The following TUSC3 variants were observed in gnomAD, a reference collection of about 807,000 sequenced individuals.
TUSC3 encodes dolichyl-diphosphooligosaccharide--protein glycosyltransferase subunit TUSC3.
Under a neutral mutation model 44.8 loss-of-function variants are expected in TUSC3, and 45 were observed. The ratio of observed to expected loss-of-function variants is 1.00; its 90% CI spans 0.79 to 1.29. The LOEUF is 1.29. Ranked by LOEUF, TUSC3 falls within the 50% of genes most tolerant of loss-of-function variation. The pLI, the probability that TUSC3 is intolerant of heterozygous loss-of-function variation, is 0.00. For synonymous variants in TUSC3, 212 were observed against 152.9 expected (o/e 1.39, Z -2.85); for missense variants, 519 against 437.9 (o/e 1.19, Z -1.65).
intron 1 of TUSC3, among the ~76,000 whole-genome samples, chr8:15,469,541 T>C (rs1800457205): frequency 6.6e-6 from 1 of 152,244 alleles, no homozygotes; most frequent in South Asian, 2.1e-4. Context: ...CTTTCATTGC[T>C]GGTGGGAATA....
chr8:15,617,390 G>A (rs1440380577), intron 1 of TUSC3, among the ~76,000 whole-genome samples: 1 of 151,886 alleles, frequency 6.6e-6, no homozygotes, highest in South Asian at 2.1e-4. Flanking sequence ...TGCCCGCCTA[G>A]GCTTCCCAAA....
chr8:15,577,799 T>C (rs1373800372), intron 1 of TUSC3, among the ~76,000 whole-genome samples: 1 of 147,066 alleles, frequency 6.8e-6, no homozygotes, highest in Non-Finnish European at 1.5e-5. Flanking sequence ...CGATGCGGGC[T>C]CTTTTTTGGT....
intron 6 of TUSC3, among the ~76,000 whole-genome samples, chr8:15,729,944 G>A (rs1268361189): frequency 1.3e-5 from 2 of 151,790 alleles, no homozygotes; most frequent in African/African-American, 4.8e-5. Flanking sequence ...TGTAAAAGTT[G>A]AGGCATTGAT....
At chr8:15,540,007 G>T (rs1458960750), upstream of TUSC3, among the ~76,000 whole-genome samples, 1 of 152,180 alleles carries the variant, frequency 6.6e-6, no homozygotes, top group Non-Finnish European at 1.5e-5. Context: ...CATCCAAGAA[G>T]GCATTCAGGT....
intron 1 of TUSC3, among the ~76,000 whole-genome samples, chr8:15,547,006 GT>G (rs1208233730): frequency 6.6e-6 from 1 of 151,520 alleles, no homozygotes; most frequent in Non-Finnish European, 1.5e-5. Context: ...ATAGCATCTT[GT>G]TGTCATTTAA....
At chr8:15,491,539 G>C (rs1220292443) in intron 2 of TUSC3, among the ~76,000 whole-genome samples, 1 of 152,082 alleles carries the variant, frequency 6.6e-6, no homozygotes, top group Non-Finnish European at 1.5e-5. Context: ...TCAAGAGATA[G>C]AGTTAAAAAC....
chr8:15,639,973 TAGCAGGCCTGAGATTGTTATCGTTA>T (rs1806289819), intron 2 of TUSC3, among the ~76,000 whole-genome samples: 1 of 152,164 alleles, frequency 6.6e-6, no homozygotes, highest in African/African-American at 2.4e-5. Flanking sequence ...AGAGTTAACA[TAGCAGGCCTGAGATTGTTATCGTTA>T]GAAAGGGGAG....
intron 1 of TUSC3, among the ~76,000 whole-genome samples, chr8:15,570,358 T>A (rs1802829899): frequency 6.6e-6 from 1 of 152,018 alleles, no homozygotes; most frequent in Non-Finnish European, 1.5e-5. Flanking sequence ...TGTTGCTTGC[T>A]GGAAATTGGT....
At chr8:15,751,129 T>G (rs1019321951) in intron 9 of TUSC3, among the ~76,000 whole-genome samples, 1 of 152,152 alleles carries the variant, frequency 6.6e-6, no homozygotes, top group Non-Finnish European at 1.5e-5. Flanking sequence ...TTAGGCAAGC[T>G]AAATAGAGTT....
chr8:15,849,539 C>A, the TUSC3 span, among the ~76,000 whole-genome samples: 1 of 152,058 alleles, frequency 6.6e-6, no homozygotes, highest in South Asian at 2.1e-4. Context: ...AAAGAAAGCC[C>A]AACTTAAAGA....
chr8:15,468,360 A>G (rs1386441491), intron 1 of TUSC3, among the ~76,000 whole-genome samples: 2 of 152,176 alleles, frequency 1.3e-5, no homozygotes, highest in Non-Finnish European at 2.9e-5. Context: ...TCCTCTTTGG[A>G]CAAGAACACT....
At chr8:15,617,955 C>G (rs951885557) in intron 1 of TUSC3, among the ~76,000 whole-genome samples, 2 of 152,162 alleles carry the variant, frequency 1.3e-5, no homozygotes. Context: ...GGGTACAAAG[C>G]TGTACACAAT....
chr8:15,778,135 C>G, the TUSC3 span, among the ~76,000 whole-genome samples: 1 of 151,692 alleles, frequency 6.6e-6, no homozygotes, highest in Admixed American at 6.6e-5. Context: ...AACAAACCAC[C>G]ACCGGCTAAT....
At chr8:15,760,545 C>T (rs538050492) in intron 10 of TUSC3, among the ~76,000 whole-genome samples, 2 of 152,236 alleles carry the variant, frequency 1.3e-5, no homozygotes, top group Non-Finnish European at 2.9e-5. Flanking sequence ...ATCCTACAAA[C>T]TAAGAATGGC....
In TUSC3 at chr8:15,466,797, C is replaced by G. The variant is rs952639809; in HGVS notation, n.92-16589C>G. ...AGTTTTTTCTTTTTCTGATTTTCCTCCATGGGCATGTACATCTCCATGTTG... is the reference window on the plus strand; with the variant it reads ...AGTTTTTTCTTTTTCTGATTTTCCTGCATGGGCATGTACATCTCCATGTTG... On this transcript the variant is annotated intron_variant and non_coding_transcript_variant, in intron 1 of 5. Coordinates refer to the TUSC3 transcript ENST00000503191. 2.6e-5 allele frequency among the ~76,000 whole-genome samples: 4 copies of G among 152,072 alleles called. No individual in the cohort carries two copies. The East Asian group carries it at 7.7e-4, about 29-fold the overall frequency.
At chr8:15,540,650 G>A in intron 1 of TUSC3, 82 bp downstream of exon 1, 1 of 1,436,680 alleles carries the variant, frequency 7.0e-7, no homozygotes, top group Non-Finnish European at 9.2e-7. Context: ...CTGCCGTGTT[G>A]CTAGGCAGCC....
chr8:15,614,356 G>T (rs998572443), intron 1 of TUSC3, among the ~76,000 whole-genome samples: 6 of 152,100 alleles, frequency 3.9e-5, no homozygotes, highest in African/African-American at 1.4e-4. Flanking sequence ...ATGACTTTCA[G>T]TAACTTTAGT....
intron 1 of TUSC3, among the ~76,000 whole-genome samples, chr8:15,479,973 G>A (rs1291489687): frequency 3.3e-5 from 5 of 152,090 alleles, no homozygotes; most frequent in South Asian, 4.1e-4. Flanking sequence ...CAAAATCAGT[G>A]CCCAGAAATC....
chr8:15,587,498 C>G (rs546571244), intron 1 of TUSC3, among the ~76,000 whole-genome samples: 2 of 152,120 alleles, frequency 1.3e-5, no homozygotes, highest in South Asian at 4.2e-4. Context: ...ATGTATGTAT[C>G]CAATGTGCAA....
Sources: gnomAD v4.1 joint callset for allele counts (sites outside exome capture counted in the v4.1 genomes callset) on GRCh38, gnomAD v4.1.1 for gene constraint, MANE v1.5 for transcripts, NCBI Gene and HGNC (gene_info 2026-07-23, HGNC 2026-07-21) for gene names.